Variants in TES observed in about 807,000 individuals in gnomAD.
TES encodes testin LIM domain protein, also known as testin.
In TES, 41 loss-of-function variants were observed where a neutral mutation model predicts 48.2. That is an observed-to-expected ratio of 0.85 (90% CI 0.66 to 1.10). TES has a LOEUF of 1.10. Among genes scored for constraint, TES ranks in the 50% least tolerant of loss-of-function variants. TES has a pLI of 0.00. For synonymous variants in TES, 162 were observed against 174.9 expected (o/e 0.93, Z 0.58); for missense variants, 463 against 515.1 (o/e 0.90, Z 0.98).
intron 1 of TES, among the ~76,000 whole-genome samples, chr7:116,220,880 A>G (rs73719137): frequency 0.13 from 20,166 of 152,222 alleles, 1,340 homozygotes; most frequent in South Asian, 0.19. Context: ...AATATCTTAA[A>G]GCACAAAGTA....
At chr7:116,236,871 A>G (rs556121665) in intron 2 of TES, among the ~76,000 whole-genome samples, 1 of 152,340 alleles carries the variant, frequency 6.6e-6, no homozygotes, top group South Asian at 2.1e-4. Context: ...GAGCCATAAT[A>G]GTCTAGGACT....
At chr7:116,250,629 A>T in intron 4 of TES, 133 bp downstream of exon 4, 2 of 721,006 alleles carry the variant, frequency 2.8e-6, no homozygotes, top group Non-Finnish European at 4.1e-6. Context: ...AATAGGATTT[A>T]GATTCAGTTT....
rs904668765 is a variant in TES, at chr7:116,257,920, C to T, written c.*438C>T. ...TACCAAGGCGCTACGTTTATTGCCT[C>T]GTCTTATTCACTGACCTTTGTAATG... On this transcript the variant is annotated 3_prime_UTR_variant, in exon 7 of 7. Transcript: ENST00000358204. The T allele has an allele frequency of 6.4e-5, 10 of 155,874 alleles. No homozygotes were observed. The East Asian group carries it at 1.9e-3, about 30-fold the overall frequency. The allele number at this position is 155,874 out of a possible 1,614,324, so 9.7% of individuals were successfully genotyped here.
At chr7:116,233,914 A>G (rs949348414) in intron 1 of TES, among the ~76,000 whole-genome samples, 4 of 152,150 alleles carry the variant, frequency 2.6e-5, no homozygotes, top group Non-Finnish European at 4.4e-5. Flanking sequence ...AATCCCATCA[A>G]TGAGGGTGGA....
chr7:116,237,174 A>G (rs548044243), intron 2 of TES, among the ~76,000 whole-genome samples: 3 of 152,312 alleles, frequency 2.0e-5, no homozygotes, highest in African/African-American at 2.4e-5. Context: ...TGAAGTAGAC[A>G]TGGGATCCCA....
intron 2 of TES, among the ~76,000 whole-genome samples, chr7:116,242,371 G>A (rs1799859610): frequency 6.6e-6 from 1 of 152,060 alleles, no homozygotes; most frequent in South Asian, 2.1e-4. Context: ...CCACTAGATG[G>A]GAGTATGAGA....
At chr7:116,214,193 T>C (rs1387693584) in intron 1 of TES, among the ~76,000 whole-genome samples, 1 of 152,170 alleles carries the variant, frequency 6.6e-6, no homozygotes, top group African/African-American at 2.4e-5. Flanking sequence ...TTTTAAAGAT[T>C]ACATGTTACT....
chr7:116,236,649 G>A lies in TES; in HGVS notation c.113+2030G>A, dbSNP rs557802090. On this transcript the variant is annotated intron_variant, in intron 2 of 6. Transcript: ENST00000358204. ...GCTATGCAGTTGCCAAAAACCGCTCGTGAGATTTTAAAGCTCATTCCTAAG... is the reference window on the plus strand; with the variant it reads ...GCTATGCAGTTGCCAAAAACCGCTCATGAGATTTTAAAGCTCATTCCTAAG... 2.2e-4 allele frequency among the ~76,000 whole-genome samples: 34 copies of A among 152,214 alleles called. No individual in the cohort carries two copies. The East Asian group carries it at 4.4e-3, about 20-fold the overall frequency.
intron 1 of TES, among the ~76,000 whole-genome samples, chr7:116,218,679 CG>C (rs776930035): frequency 7.5e-4 from 112 of 148,992 alleles, no homozygotes; most frequent in Admixed American, 2.1e-3. Flanking sequence ...AGCAAAATAC[CG>C]ATGTCACCTT....
chr7:116,227,071 G>A (rs1243769836), intron 1 of TES, among the ~76,000 whole-genome samples: 1 of 151,330 alleles, frequency 6.6e-6, no homozygotes, highest in Non-Finnish European at 1.5e-5. Flanking sequence ...GGTTTTCTGT[G>A]TAACCTACAC....
chr7:116,248,448 C>T (rs1201295491), intron 2 of TES, among the ~76,000 whole-genome samples: 1 of 152,138 alleles, frequency 6.6e-6, no homozygotes, highest in African/African-American at 2.4e-5. Flanking sequence ...TCCGCAACAT[C>T]TGTTATTTTT....
At chr7:116,245,767 A>G (rs1437511097) in intron 2 of TES, among the ~76,000 whole-genome samples, 5 of 152,186 alleles carry the variant, frequency 3.3e-5, no homozygotes, top group Non-Finnish European at 5.9e-5. Flanking sequence ...GAGACTGAGT[A>G]ATTTATTTAT....
intron 6 of TES, among the ~76,000 whole-genome samples, chr7:116,255,432 C>G (rs994415598): frequency 2.0e-5 from 3 of 152,124 alleles, no homozygotes; most frequent in Non-Finnish European, 4.4e-5. Context: ...ACAGTAGATT[C>G]GACCTGTGAT....
rs768257484 is a variant in TES at position 116,251,999 on chromosome 7, A to G, written c.918+24A>G. On this transcript the variant is annotated intron_variant, in intron 5 of 6. Coordinates refer to ENST00000358204, the MANE Select transcript of TES (RefSeq NM_015641.4). ...AGGTATGTTCTATGGGACCACCGGC[A>G]TGCTGGTGCCCTCTTAGACCCTCAT... 8 of 1,610,426 alleles carry G rather than the reference A, an allele frequency of 5.0e-6. No individual in the cohort carries two copies. The Admixed American group carries it at 6.7e-5, about 13-fold the overall frequency.
At chr7:116,224,617 ACT>A (rs1315839933) in intron 1 of TES, among the ~76,000 whole-genome samples, 1 of 151,572 alleles carries the variant, frequency 6.6e-6, no homozygotes, top group East Asian at 1.9e-4. Context: ...ATTTTTGTTG[ACT>A]CACACCTCAT....
chr7:116,230,799 C>A lies in TES; in HGVS notation c.28-3735C>A, dbSNP rs116702020. Among the ~76,000 whole-genome samples the A allele has an allele frequency of 2.8e-3, 419 of 152,342 alleles. 2 individuals carry two copies. The highest frequency in any genetic ancestry group is 9.6e-3 in the African/African-American group (398 of 41,574). On this transcript the variant is annotated intron_variant, in intron 1 of 6. Coordinates refer to ENST00000358204, the MANE Select transcript of TES (RefSeq NM_015641.4). ...AATTTTTTGGCTCTTCCTTTGCCCT[C>A]TTCTGCCACAGGCCTTGTGTATGGT...
intron 2 of TES, among the ~76,000 whole-genome samples, chr7:116,247,027 A>T (rs921492136): frequency 6.1e-5 from 9 of 146,648 alleles, no homozygotes; most frequent in African/African-American, 2.0e-4. Flanking sequence ...TGTATGTTGC[A>T]TGAATGAATG....
intron 2 of TES, among the ~76,000 whole-genome samples, chr7:116,238,748 C>T (rs1028788751): frequency 1.3e-5 from 2 of 151,910 alleles, no homozygotes; most frequent in East Asian, 1.9e-4. Context: ...TACAGGCGCC[C>T]GCCACCACGC....
chr7:116,257,580 A>G lies in TES; in HGVS notation c.*98A>G, dbSNP rs1800120976. 8.9e-7 allele frequency: 1 copy of G among 1,119,438 alleles called. No homozygotes were observed. Among genetic ancestry groups the G allele is most frequent in the Non-Finnish European group, 1.2e-6 (1 of 853,394 alleles). 69.3% of individuals were successfully genotyped at this position (1,119,438 alleles called of 1,614,324 possible). ...GAAAAAAATAAAACGCAAAAAAAGAAACTGTAAAGGAAACCAAGAGATTTT... is the reference window on the plus strand; with the variant it reads ...GAAAAAAATAAAACGCAAAAAAAGAGACTGTAAAGGAAACCAAGAGATTTT... On this transcript the variant is annotated 3_prime_UTR_variant, in exon 7 of 7. Coordinates refer to ENST00000358204, the MANE Select transcript of TES (RefSeq NM_015641.4).
Sources: allele counts gnomAD v4.1 joint callset (sites outside exome capture counted in the v4.1 genomes callset), GRCh38; gene constraint gnomAD v4.1.1; transcripts MANE v1.5; gene names NCBI Gene and HGNC (gene_info 2026-07-23, HGNC 2026-07-21).